The following SORL1 variants were observed in gnomAD, a reference collection of about 807,000 sequenced individuals.
SORL1 encodes the protein sortilin-related receptor.
In SORL1, 127 loss-of-function variants were observed where a neutral mutation model predicts 273.7. The ratio of observed to expected loss-of-function variants is 0.46; its 90% CI spans 0.40 to 0.54. SORL1 has a LOEUF of 0.54. Among genes scored for constraint, SORL1 ranks in the 20% least tolerant of loss-of-function variants. The pLI is 0.00. For missense variants in SORL1, 2,494 were observed against 2,846.1 expected (o/e 0.88, Z 2.81); for synonymous variants, 1,031 against 1,067.4 (o/e 0.97, Z 0.66).
chr11:121,602,937 C>A (rs955891866), intron 32 of SORL1, among the ~76,000 whole-genome samples: 8 of 152,240 alleles, frequency 5.3e-5, no homozygotes, highest in Admixed American at 5.2e-4. Context: ...TGGAGCCACT[C>A]ATGTTCAGCC....
In SORL1 at chr11:121,630,464, GCTA is replaced by G. The variant is rs1863859231; in HGVS notation, c.*902_*904del. On this transcript the variant is annotated 3_prime_UTR_variant, in exon 48 of 48. Coordinates refer to ENST00000260197, the MANE Select transcript of SORL1 (RefSeq NM_003105.6). The stretch of plus-strand genomic sequence containing the variant: ...GATCTGTGCCATGATCCATACACTG[GCTA>G]ATAGAGTACATAATTTTTCCATTTT... The G allele has an allele frequency of 6.6e-6, 1 of 152,130 alleles. No homozygotes were observed. Among genetic ancestry groups the G allele is most frequent in the African/African-American group, 2.4e-5 (1 of 41,418 alleles). 9.4% of individuals were successfully genotyped at this position (152,130 alleles called of 1,614,324 possible).
intron 1 of SORL1, among the ~76,000 whole-genome samples, chr11:121,465,962 G>C (rs915831412): frequency 6.6e-6 from 1 of 152,128 alleles, no homozygotes. Context: ...GGTGATCTTT[G>C]GGGGGTGGGG....
In SORL1 at chr11:121,550,458, C is replaced by G. The variant is rs1282147090; in HGVS notation, c.2181-127C>G. The G allele has an allele frequency of 3.0e-5, 24 of 812,088 alleles. No homozygotes were observed. In the Admixed American group the frequency reaches 4.0e-4, roughly 14 times the overall value. The allele number at this position is 812,088 out of a possible 1,614,324, so 50.3% of individuals were successfully genotyped here. A position where few individuals can be genotyped will look rare whatever the true frequency, so the allele number is the denominator to read the frequency against. Reference sequence around the variant, plus strand: ...ACTCAGAACTACGAACATCCTCTTTCTAGTTCTAAAGAGAAATGAGTGGAT... The same window carrying G: ...ACTCAGAACTACGAACATCCTCTTTGTAGTTCTAAAGAGAAATGAGTGGAT... On this transcript the variant is annotated intron_variant, in intron 15 of 47. Transcript: ENST00000260197. This position sits in a 1 kb window ranked among gnomAD's most constrained non-coding sequence, Gnocchi z 5.3.
chr11:121,545,478 A>T (rs11218325), intron 14 of SORL1, 49 bp downstream of exon 14: 11 of 1,559,808 alleles, frequency 7.1e-6, no homozygotes, highest in South Asian at 5.6e-5. Flanking sequence ...TTATTCACTC[A>T]GCAGTGTTGG....
chr11:121,578,291 G>A (rs1862966691), intron 25 of SORL1, among the ~76,000 whole-genome samples: 1 of 152,180 alleles, frequency 6.6e-6, no homozygotes, highest in South Asian at 2.1e-4. Context: ...AGACTTCATT[G>A]TGTAATTCAT....
intron 1 of SORL1, among the ~76,000 whole-genome samples, chr11:121,465,532 CTTTTTTTTTT>C (rs796673283): frequency 6.9e-6 from 1 of 144,570 alleles, no homozygotes; most frequent in Non-Finnish European, 1.5e-5. Flanking sequence ...GGTGTGTCTC[CTTTTTTTTTT>C]TTTGAGACGG....
In SORL1 at chr11:121,557,105, A is replaced by T. The variant is rs902895434; in HGVS notation, c.2572-209A>T. The T allele has an allele frequency of 5.1e-6, 3 of 587,104 alleles. No individual in the cohort carries two copies. In the African/African-American group the frequency reaches 5.6e-5, roughly 11 times the overall value. 36.4% of individuals were successfully genotyped at this position (587,104 alleles called of 1,614,324 possible). A position where few individuals can be genotyped will look rare whatever the true frequency, so the allele number is the denominator to read the frequency against. The stretch of plus-strand genomic sequence containing the variant: ...TACATGGTTCTAGCTCCTCTTTCAG[A>T]CCACTTGAAAATTGTCCCATGAGTC... On this transcript the variant is annotated intron_variant, in intron 18 of 47. Transcript: ENST00000260197.
At chr11:121,500,668 T>TG (rs1565316518) in intron 6 of SORL1, among the ~76,000 whole-genome samples, 1 of 152,234 alleles carries the variant, frequency 6.6e-6, no homozygotes, top group Non-Finnish European at 1.5e-5. Context: ...ACTATGCTGA[T>TG]AGTTGTCTGT....
chr11:121,544,413 A>G (rs1158977457), intron 13 of SORL1, among the ~76,000 whole-genome samples: 2 of 152,214 alleles, frequency 1.3e-5, no homozygotes, highest in Admixed American at 6.5e-5. Flanking sequence ...AAGTGTATGC[A>G]TAACTTTGTG....
chr11:121,456,965 T>C (rs1250613397), intron 1 of SORL1, among the ~76,000 whole-genome samples: 1 of 152,206 alleles, frequency 6.6e-6, no homozygotes, highest in Admixed American at 6.5e-5. Flanking sequence ...AGTTAGGATG[T>C]TTGACCTGTG....
intron 3 of SORL1, 75 bp downstream of exon 3, chr11:121,478,318 T>C: frequency 6.7e-7 from 1 of 1,501,416 alleles, no homozygotes. Flanking sequence ...CTTAAGGGGG[T>C]GCTAGGAGAT....
chr11:121,473,368 C>T (rs150924455), intron 2 of SORL1, among the ~76,000 whole-genome samples: 86 of 152,282 alleles, frequency 5.6e-4, no homozygotes, highest in African/African-American at 2.0e-3. Flanking sequence ...ATCATTTATC[C>T]ACTGATGAAG....
At chr11:121,589,206 G>C in intron 28 of SORL1, 53 bp from the exon 29 acceptor site, 1 of 1,604,380 alleles carries the variant, frequency 6.2e-7, no homozygotes, top group Non-Finnish European at 8.5e-7. Context: ...CTGCTGCTTC[G>C]ACCCCTCAGC....
In SORL1 at chr11:121,604,391, C is replaced by T. The variant is rs1201698129; in HGVS notation, c.4651+67C>T. The stretch of plus-strand genomic sequence containing the variant: ...GGGAGGCTCGCTTACCCCAGGGCCC[C>T]TCCTGTGTAGACCTTGAGCTAGGAC... On this transcript the variant is annotated intron_variant, in intron 33 of 47. Coordinates refer to ENST00000260197, the MANE Select transcript of SORL1 (RefSeq NM_003105.6). The T allele has an allele frequency of 1.9e-6, 3 of 1,579,704 alleles. No homozygotes were observed. In the African/African-American group the frequency reaches 4.0e-5, roughly 21 times the overall value.
At chr11:121,575,136 G>C (rs753105128) in intron 24 of SORL1, among the ~76,000 whole-genome samples, 5 of 152,212 alleles carry the variant, frequency 3.3e-5, no homozygotes, top group Non-Finnish European at 4.4e-5. Context: ...ACTTTCTAAA[G>C]TGACTGAGGT....
intron 3 of SORL1, among the ~76,000 whole-genome samples, chr11:121,478,479 G>T (rs989590268): frequency 1.5e-4 from 23 of 152,192 alleles, no homozygotes; most frequent in African/African-American, 4.3e-4. Flanking sequence ...GACAAACAAT[G>T]ACAGGTTAAA....
rs184853682 is a variant in SORL1, at chr11:121,629,722, A to G, written c.*159A>G. ...AAAAAAAAAGGAAAGAAAGGAATGA[A>G]TAAACTTTGTAGTAATCAACTGTGA... On this transcript the variant is annotated 3_prime_UTR_variant, in exon 48 of 48. Coordinates refer to ENST00000260197, the MANE Select transcript of SORL1 (RefSeq NM_003105.6). The G allele has an allele frequency of 9.5e-4, 572 of 599,322 alleles. 2 individuals carry two copies. Among genetic ancestry groups the G allele is most frequent in the Middle Eastern group, 2.2e-3 (5 of 2,246 alleles). 37.1% of individuals were successfully genotyped at this position (599,322 alleles called of 1,614,324 possible).
At chr11:121,564,110 A>G (rs1862718617) in intron 21 of SORL1, among the ~76,000 whole-genome samples, 1 of 152,246 alleles carries the variant, frequency 6.6e-6, no homozygotes, top group Admixed American at 6.5e-5. Flanking sequence ...TCCACTCTTC[A>G]CATTGAGATA....
At chr11:121,494,192 C>T (rs1018563424) in intron 5 of SORL1, among the ~76,000 whole-genome samples, 3 of 152,082 alleles carry the variant, frequency 2.0e-5, no homozygotes, top group African/African-American at 7.2e-5. Context: ...GTACCTTCTG[C>T]CTCTGTGTAG....
Sources: gnomAD v4.1 joint callset for allele counts (sites outside exome capture counted in the v4.1 genomes callset) on GRCh38, gnomAD v4.1.1 for gene constraint, Gnocchi (gnomAD v3.1) non-coding constraint, MANE v1.5 for transcripts, NCBI Gene and HGNC (gene_info 2026-07-23, HGNC 2026-07-21) for gene names.